The following CERS6 variants were observed in gnomAD, a reference collection of about 807,000 sequenced individuals.
CERS6 encodes the protein ceramide synthase 6.
CERS6 carries 26 observed loss-of-function variants against 56.8 expected under a neutral mutation model. That is an observed-to-expected ratio of 0.46 (90% CI 0.34 to 0.63). The LOEUF is 0.63. CERS6 is among the 30% of genes least tolerant of loss of function. The pLI is 0.01. For synonymous variants in CERS6, 164 were observed against 173.3 expected (o/e 0.95, Z 0.42); for missense variants, 415 against 467.5 (o/e 0.89, Z 1.04).
In CERS6 at chr2:168,535,425, C is replaced by T. The variant is rs555537164; in HGVS notation, c.171-12171C>T. ...CCTGGCTGGGTAGCATGTTCACTTA[C>T]TGCTTCCCTTGGTTGGGGGGAGAGG... is the stretch of plus-strand genomic sequence containing the variant. On this transcript the variant is annotated intron_variant, in intron 1 of 9. Transcript: ENST00000305747. Among the ~76,000 whole-genome samples the T allele has an allele frequency of 6.8e-4, 104 of 152,266 alleles. 1 individual carries two copies. Among genetic ancestry groups the T allele is most frequent in the African/African-American group, 2.2e-3 (90 of 41,562 alleles).
At chr2:168,750,071 C>T (rs926895237) in intron 8 of CERS6, among the ~76,000 whole-genome samples, 1 of 152,196 alleles carries the variant, frequency 6.6e-6, no homozygotes, top group East Asian at 1.9e-4. Flanking sequence ...ATGGCAATGG[C>T]GAACTGACGT....
chr2:168,662,831 CTT>C (rs905360887), intron 4 of CERS6, among the ~76,000 whole-genome samples: 11 of 152,260 alleles, frequency 7.2e-5, no homozygotes, highest in African/African-American at 2.7e-4. Context: ...GGTATAAAGT[CTT>C]TGCAGCTTCC....
At chr2:168,687,571 T>C (rs1232074813) in intron 4 of CERS6, among the ~76,000 whole-genome samples, 1 of 152,204 alleles carries the variant, frequency 6.6e-6, no homozygotes, top group East Asian at 1.9e-4. Context: ...GGTGACATTA[T>C]CTTGATTGCT....
intron 3 of CERS6, among the ~76,000 whole-genome samples, chr2:168,622,247 A>G (rs1684489419): frequency 6.6e-6 from 1 of 151,572 alleles, no homozygotes; most frequent in Admixed American, 6.6e-5. Context: ...AACACTAAGG[A>G]TAGTCATTGA....
chr2:168,467,367 CTG>C (rs1241395098), intron 1 of CERS6, among the ~76,000 whole-genome samples: 1 of 152,150 alleles, frequency 6.6e-6, no homozygotes, highest in Non-Finnish European at 1.5e-5. Flanking sequence ...TGAAGAAAAA[CTG>C]AGAATGAAGC....
chr2:168,518,801 T>G (rs1006435698), intron 1 of CERS6, among the ~76,000 whole-genome samples: 2 of 152,190 alleles, frequency 1.3e-5, no homozygotes, highest in African/African-American at 4.8e-5. Context: ...AGAGCTGATG[T>G]CTTTCTAAGT....
At position 168,743,180 on chromosome 2, in the gene CERS6, GTA is replaced by G. The variant is rs530037955; in HGVS notation, c.846-22410_846-22409del. Among the ~76,000 whole-genome samples, 411 of 150,660 alleles carry G rather than the reference GTA, an allele frequency of 2.7e-3. 1 individual carries two copies. The highest frequency in any genetic ancestry group is 9.3e-3 in the African/African-American group (380 of 40,848). ...TATATATATGTATGTATGTGTGTGT[GTA>G]TGTGTGTGTGTATATATATATGTGT... is the stretch of plus-strand genomic sequence containing the variant. On this transcript the variant is annotated intron_variant, in intron 8 of 9. Coordinates refer to ENST00000305747, the MANE Select transcript of CERS6 (RefSeq NM_203463.3).
At chr2:168,642,200 C>G (rs989332855) in intron 4 of CERS6, among the ~76,000 whole-genome samples, 1 of 151,878 alleles carries the variant, frequency 6.6e-6, no homozygotes, top group Non-Finnish European at 1.5e-5. Flanking sequence ...GACAAAACGC[C>G]GTCTCTACAA....
intron 1 of CERS6, among the ~76,000 whole-genome samples, chr2:168,488,044 C>G (rs145238780): frequency 0.012 from 1,819 of 152,218 alleles, 21 homozygotes; most frequent in African/African-American, 0.027. Context: ...GTGAGGATGC[C>G]ATGCCATTCC....
intron 4 of CERS6, among the ~76,000 whole-genome samples, chr2:168,675,964 C>T (rs191926415): frequency 6.7e-4 from 102 of 152,206 alleles, no homozygotes; most frequent in African/African-American, 2.3e-3. Context: ...AGATTACAGG[C>T]GTGAGTCACT....
At chr2:168,556,459 A>G (rs564392479) in intron 2 of CERS6, among the ~76,000 whole-genome samples, 25 of 152,302 alleles carry the variant, frequency 1.6e-4, no homozygotes, top group African/African-American at 5.8e-4. Context: ...TTTCTGCTAC[A>G]TGACAGATGT....
chr2:168,605,950 A>C (rs1312278471), intron 3 of CERS6, among the ~76,000 whole-genome samples: 1 of 152,226 alleles, frequency 6.6e-6, no homozygotes, highest in African/African-American at 2.4e-5. Context: ...ATGTGGGGTT[A>C]GAGCCCCCAC....
intron 8 of CERS6, among the ~76,000 whole-genome samples, chr2:168,760,271 C>T (rs1253547796): frequency 6.6e-6 from 1 of 152,184 alleles, no homozygotes; most frequent in Non-Finnish European, 1.5e-5. Flanking sequence ...GTCCGAGTCT[C>T]AAAACTGAAG....
At chr2:168,597,209 A>G (rs887439616) in intron 3 of CERS6, among the ~76,000 whole-genome samples, 12 of 152,240 alleles carry the variant, frequency 7.9e-5, no homozygotes, top group African/African-American at 2.9e-4. Flanking sequence ...ACTTACATAC[A>G]GGGACAGTCT....
chr2:168,761,473 G>A (rs948806454), intron 8 of CERS6, among the ~76,000 whole-genome samples: 6 of 152,246 alleles, frequency 3.9e-5, no homozygotes, highest in Non-Finnish European at 8.8e-5. Flanking sequence ...GCATAATGCA[G>A]TCATTGTTGC....
chr2:168,513,360 T>C lies in CERS6; in HGVS notation c.171-34236T>C, dbSNP rs559323784. Among the ~76,000 whole-genome samples the C allele has an allele frequency of 3.3e-5, 5 of 152,344 alleles. No homozygotes were observed. In the South Asian group the frequency reaches 1.0e-3, roughly 32 times the overall value. ...TCTTAGTTTTTACCAGATGTCTTTT[T>C]TTCTGTTCCAGGGTCCCATTCAGAA... On this transcript the variant is annotated intron_variant, in intron 1 of 9. Transcript: ENST00000305747.
intron 1 of CERS6, among the ~76,000 whole-genome samples, chr2:168,523,769 TA>T (rs1263512742): frequency 6.6e-6 from 1 of 152,170 alleles, no homozygotes; most frequent in African/African-American, 2.4e-5. Context: ...ACATTTTCAA[TA>T]GGTGTAGATG....
At chr2:168,469,636 G>T (rs547329921) in intron 1 of CERS6, among the ~76,000 whole-genome samples, 1 of 152,244 alleles carries the variant, frequency 6.6e-6, no homozygotes, top group East Asian at 1.9e-4. Context: ...GTAAGGTGAT[G>T]TATTAGCTGT....
intron 3 of CERS6, among the ~76,000 whole-genome samples, chr2:168,593,961 G>A (rs1418824425): frequency 6.6e-6 from 1 of 152,094 alleles, no homozygotes; most frequent in African/African-American, 2.4e-5. Flanking sequence ...CACCAGGAAT[G>A]GTATTGCTAC....
Sources: allele counts gnomAD v4.1 joint callset (sites outside exome capture counted in the v4.1 genomes callset), GRCh38; gene constraint gnomAD v4.1.1; transcripts MANE v1.5; gene names NCBI Gene and HGNC (gene_info 2026-07-23, HGNC 2026-07-21).